CAST: variants seen among roughly 807,000 people sequenced by gnomAD.
CAST encodes the protein calpastatin, also known as MIR583 host.
A neutral mutation model predicts 119.6 loss-of-function variants in CAST; 76 were observed. That is an observed-to-expected ratio of 0.64 (90% CI 0.53 to 0.77). The LOEUF (loss-of-function observed/expected upper bound fraction) is 0.77, where lower values mean the gene tolerates loss of function less well. Ranked by LOEUF, CAST falls within the 30% of genes least tolerant of loss-of-function variation. The pLI is 0.00. For missense variants in CAST, 953 were observed against 946.5 expected, an observed-to-expected ratio of 1.01 and a Z score of -0.09; for synonymous variants, 319 against 331.6, an observed-to-expected ratio of 0.96 and a Z score of 0.41.
At chr5:96,509,046 A>T in the CAST span, among the ~76,000 whole-genome samples, 2 of 152,246 alleles carry the variant, frequency 1.3e-5, no homozygotes, top group African/African-American at 4.8e-5. Flanking sequence ...CAGGTAAGTG[A>T]TATCATTGTC....
the CAST span, among the ~76,000 whole-genome samples, chr5:96,377,502 T>A: frequency 1.3e-5 from 2 of 152,152 alleles, no homozygotes; most frequent in Non-Finnish European, 2.9e-5. Flanking sequence ...ATATTTACCA[T>A]TGTGTTACAA....
chr5:96,553,664 CA>C (rs1222699050), intron 1 of CAST, among the ~76,000 whole-genome samples: 1 of 152,222 alleles, frequency 6.6e-6, no homozygotes, highest in African/African-American at 2.4e-5. Flanking sequence ...CCCATCGTCT[CA>C]GCCCAAAATC....
At chr5:96,503,924 T>G in the CAST span, among the ~76,000 whole-genome samples, 1 of 152,030 alleles carries the variant, frequency 6.6e-6, no homozygotes, top group African/African-American at 2.4e-5. Context: ...AAGAAGAAAA[T>G]GGAAAAAGAA....
At chr5:96,431,237 A>G in the CAST span, among the ~76,000 whole-genome samples, 1 of 152,120 alleles carries the variant, frequency 6.6e-6, no homozygotes, top group African/African-American at 2.4e-5. Context: ...ACTTACTACT[A>G]AACTGTATTA....
chr5:96,208,536 C>T, the CAST span, among the ~76,000 whole-genome samples: 3,238 of 152,028 alleles, frequency 0.021, 115 homozygotes, highest in African/African-American at 0.074. Flanking sequence ...TCTTTGTTCT[C>T]ATTAATTTCA....
chr5:96,445,983 G>A, the CAST span, among the ~76,000 whole-genome samples: 1 of 152,146 alleles, frequency 6.6e-6, no homozygotes, highest in Admixed American at 6.5e-5. Context: ...GAGTAGCTGG[G>A]ATCATAGGCA....
chr5:96,200,180 C>A, the CAST span, among the ~76,000 whole-genome samples: 1 of 152,074 alleles, frequency 6.6e-6, no homozygotes, highest in Admixed American at 6.6e-5. Context: ...CCCAAATCAC[C>A]CATGTGCTTC....
chr5:96,550,489 A>C (rs1375246707), intron 1 of CAST, among the ~76,000 whole-genome samples: 1 of 152,220 alleles, frequency 6.6e-6, no homozygotes, highest in Non-Finnish European at 1.5e-5. Flanking sequence ...AAATTCTAAA[A>C]ACCAGAACGC....
chr5:96,522,850 G>A (rs1038268319), upstream of CAST, among the ~76,000 whole-genome samples: 2 of 152,224 alleles, frequency 1.3e-5, no homozygotes, highest in Non-Finnish European at 2.9e-5. Context: ...TCAAGTGGCT[G>A]AGGAGCCTCC....
chr5:96,325,450 T>C, the CAST span, among the ~76,000 whole-genome samples: 1 of 151,012 alleles, frequency 6.6e-6, no homozygotes, highest in Non-Finnish European at 1.5e-5. Context: ...TTCCTTTTTC[T>C]TTCTTTTATT....
At chr5:96,631,689 C>A (rs9790956) in intron 1 of CAST, among the ~76,000 whole-genome samples, 1 of 146,826 alleles carries the variant, frequency 6.8e-6, no homozygotes, top group Admixed American at 6.8e-5. Context: ...CCCGCCACCA[C>A]GCCCGGATAA....
At chr5:96,333,204 G>C in the CAST span, among the ~76,000 whole-genome samples, 1 of 151,986 alleles carries the variant, frequency 6.6e-6, no homozygotes, top group Non-Finnish European at 1.5e-5. Flanking sequence ...CTCTGGCTCT[G>C]TCTGCACTTC....
the CAST span, among the ~76,000 whole-genome samples, chr5:96,139,454 A>G: frequency 6.6e-6 from 1 of 150,496 alleles, no homozygotes. Context: ...TCCTCTGAAA[A>G]AGTTGGGGTA....
the CAST span, among the ~76,000 whole-genome samples, chr5:96,335,195 A>G: frequency 1.3e-5 from 2 of 152,170 alleles, no homozygotes; most frequent in East Asian, 1.9e-4. Flanking sequence ...GTGATGTCCT[A>G]TCTCTTCTTC....
chr5:96,134,476 G>C, the CAST span, among the ~76,000 whole-genome samples: 6 of 152,196 alleles, frequency 3.9e-5, 1 homozygote, highest in East Asian at 1.2e-3. Flanking sequence ...GCCTCTACTG[G>C]GATTCAGCTG....
chr5:96,669,262 A>G (rs907987138), intron 1 of CAST, among the ~76,000 whole-genome samples: 6 of 152,242 alleles, frequency 3.9e-5, no homozygotes, highest in Admixed American at 6.5e-5. Flanking sequence ...AGTAGAATAC[A>G]TATACAAATA....
chr5:96,532,921 A>G (rs988651722), intron 1 of CAST, among the ~76,000 whole-genome samples: 1 of 151,832 alleles, frequency 6.6e-6, no homozygotes, highest in Non-Finnish European at 1.5e-5. Context: ...GCTACTCGAG[A>G]GGCTGAGGTG....
intron 3 of CAST, among the ~76,000 whole-genome samples, chr5:96,712,931 G>A (rs528151365): frequency 6.6e-6 from 1 of 152,226 alleles, no homozygotes; most frequent in South Asian, 2.1e-4. Context: ...ATCCTCATAT[G>A]TTCCTCCCTA....
At chr5:96,029,965 T>C in the CAST span, among the ~76,000 whole-genome samples, 1 of 152,138 alleles carries the variant, frequency 6.6e-6, no homozygotes, top group African/African-American at 2.4e-5. Context: ...CCAAGAAAGG[T>C]TGTCTGACTT....
Sources: gnomAD v4.1 joint callset for allele counts (sites outside exome capture counted in the v4.1 genomes callset) on GRCh38, gnomAD v4.1.1 for gene constraint, MANE v1.5 for transcripts, NCBI Gene and HGNC (gene_info 2026-07-23, HGNC 2026-07-21) for gene names.